The following ARNT variants were observed in gnomAD, a reference collection of about 807,000 sequenced individuals.
The protein encoded by ARNT is class E basic helix-loop-helix protein 2.
Under a neutral mutation model 105.0 loss-of-function variants are expected in ARNT, and 30 were observed. The ratio of observed to expected loss-of-function variants is 0.29; its 90% CI spans 0.21 to 0.39. The LOEUF (loss-of-function observed/expected upper bound fraction) is 0.39. Ranked by LOEUF, ARNT falls within the 10% of genes least tolerant of loss-of-function variation. The pLI is 1.00. For synonymous variants in ARNT, 304 were observed against 344.0 expected, an observed-to-expected ratio of 0.88 and a Z score of 1.29; for missense variants, 748 against 978.7, an observed-to-expected ratio of 0.76 and a Z score of 3.15.
At position 150,819,063 on chromosome 1, in the gene ARNT, C is replaced by A. The variant is rs189421154; in HGVS notation, c.1395-1033G>T. Among the ~76,000 whole-genome samples the A allele has an allele frequency of 1.6e-4, 25 of 152,100 alleles. 1 individual carries two copies. The highest frequency in any genetic ancestry group is 5.8e-4 in the African/African-American group (24 of 41,506). On this transcript the variant is annotated intron_variant, in intron 14 of 21. Transcript: ENST00000358595. ...AGCAAAGAATTAAACTTTACAAGTT[C>A]TAAAGACTGAATTGGACAAAACTTG... is the stretch of plus-strand genomic sequence containing the variant.
At chr1:150,850,576 A>C (rs1276117208) in intron 3 of ARNT, among the ~76,000 whole-genome samples, 1 of 152,048 alleles carries the variant, frequency 6.6e-6, no homozygotes, top group African/African-American at 2.4e-5. Context: ...AGTCTCGTTC[A>C]CTCAGTGCTC....
intron 2 of ARNT, among the ~76,000 whole-genome samples, chr1:150,858,113 T>C (rs1192695698): frequency 6.6e-6 from 1 of 152,192 alleles, no homozygotes; most frequent in African/African-American, 2.4e-5. Context: ...CAGTCCTTTA[T>C]CTTACGGAAA....
At chr1:150,860,005 TA>T (rs35772624) in intron 1 of ARNT, among the ~76,000 whole-genome samples, 479 of 133,594 alleles carry the variant, frequency 3.6e-3, no homozygotes, top group Admixed American at 4.2e-3. Flanking sequence ...AGATCCTGTC[TA>T]AAAAAAAAAA....
chr1:150,827,454 T>G (rs1020297811), intron 12 of ARNT, among the ~76,000 whole-genome samples: 13 of 152,220 alleles, frequency 8.5e-5, no homozygotes, highest in Non-Finnish European at 1.8e-4. Flanking sequence ...TCTGGCTTCT[T>G]TCATTGAGCA....
At chr1:150,817,899 G>T in intron 15 of ARNT, 21 bp downstream of exon 15, 1 of 1,576,762 alleles carries the variant, frequency 6.3e-7, no homozygotes. Flanking sequence ...CTCAACAGAT[G>T]ATTATTTCAC....
At chr1:150,823,486 T>A in intron 13 of ARNT, 141 bp from the exon 14 acceptor site, 1 of 729,488 alleles carries the variant, frequency 1.4e-6, no homozygotes, top group South Asian at 2.8e-5. Context: ...TAAAACAAAA[T>A]GAGAGTAAAA....
Position 150,814,124 on chromosome 1 carries a change from G to A in ARNT, c.2066C>T (p.Pro689Leu). 6.2e-7 allele frequency: 1 copy of A among 1,614,206 alleles called. No individual in the cohort carries two copies. The highest frequency in any genetic ancestry group is 8.5e-7 in the Non-Finnish European group (1 of 1,180,038). ...MSLPGAPTASPGAAAYPSLTN... is the reference protein window; with the variant it reads ...MSLPGAPTASLGAAAYPSLTN... ...GAGACTAGGGTAGGCAGCAGCACCAGGCGATGCAGTTGGGGCACCAGGGAG... is the reference window on the plus strand; with the variant it reads ...GAGACTAGGGTAGGCAGCAGCACCAAGCGATGCAGTTGGGGCACCAGGGAG... Residue 689 changes from proline (P) to leucine (L), a missense_variant, in exon 20 of 22, where the codon CCT (proline) becomes CTT (leucine). Coordinates refer to ENST00000358595, the MANE Select transcript of ARNT (RefSeq NM_001668.4).
At chr1:150,873,882 T>C (rs1667846687) in intron 1 of ARNT, among the ~76,000 whole-genome samples, 1 of 151,952 alleles carries the variant, frequency 6.6e-6, no homozygotes, top group Non-Finnish European at 1.5e-5. Context: ...ATTACACCAT[T>C]GCACTACAGT....
In ARNT at chr1:150,829,210, G is replaced by T. The variant is rs1406976962; in HGVS notation, c.1050C>A (p.Asn350Lys). Residue 350 changes from asparagine to lysine, a missense_variant, in exon 12 of 22, where the codon AAC becomes AAA. Asn to Lys is a moderately conservative substitution (Grantham distance 94, BLOSUM62 0). This residue lies in a region of ARNT where 291 missense variants were observed against 444.6 expected (regional missense o/e 0.65). Transcript: ENST00000358595. ...IGRLQVTSSP[N>K]CTDMSNVCQP... ...GACAAACATTACTCATGTCTGTACA[G>T]TTGGGAGAACTAGTTACCTGAGAGT... 6.2e-7 allele frequency: 1 copy of T among 1,613,704 alleles called. No homozygotes were observed. Among genetic ancestry groups the T allele is most frequent in the Non-Finnish European group, 8.5e-7 (1 of 1,179,766 alleles).
At position 150,817,343 on chromosome 1, in the gene ARNT, G is replaced by A. The variant is rs752373458; in HGVS notation, c.1578+18C>T. 1.2e-6 allele frequency: 2 copies of A among 1,613,740 alleles called. No individual in the cohort carries two copies. The highest frequency in any genetic ancestry group is 1.7e-5 in the Admixed American group (1 of 59,986). ...GTAAATACTCCCTACCCTCTTCAAC[G>A]AAGAGGACACAACTCACCTGGGAAT... On this transcript the variant is annotated intron_variant, in intron 16 of 21. Coordinates refer to ENST00000358595, the MANE Select transcript of ARNT (RefSeq NM_001668.4).
rs587676009 is a variant in ARNT, at chr1:150,832,385, G to T, written c.818C>A (p.Ser273Tyr). The stretch of plus-strand genomic sequence containing the variant: ...CCTATTCACAGAAACTGGGTCCACA[G>T]AGCTACTGCCACACCTGTTTCAAGG... Reference protein sequence around the residue: ...FICRMRCGSSSVDPVSVNRLS... With the variant: ...FICRMRCGSSYVDPVSVNRLS... The change falls in exon 9 of 22, where the codon TCT (serine) becomes TAT (tyrosine). Residue 273 changes from serine to tyrosine, a missense_variant. Physicochemically the swap from Ser to Tyr is moderately radical, Grantham distance 144 (BLOSUM62 -2). This residue lies in a region of ARNT where 291 missense variants were observed against 444.6 expected (regional missense o/e 0.65). Coordinates refer to ENST00000358595, the MANE Select transcript of ARNT (RefSeq NM_001668.4). 2.5e-6 allele frequency: 4 copies of T among 1,614,136 alleles called. No individual in the cohort carries two copies. The Admixed American group carries it at 6.7e-5, about 27-fold the overall frequency.
intron 13 of ARNT, among the ~76,000 whole-genome samples, chr1:150,825,963 G>C (rs1658153446): frequency 6.6e-6 from 1 of 151,228 alleles, no homozygotes; most frequent in Non-Finnish European, 1.5e-5. Context: ...ATCCAGGCTA[G>C]AGTACAGTGG....
chr1:150,813,414 A>T lies in ARNT; in HGVS notation c.2114-76T>A. On this transcript the variant is annotated intron_variant, in intron 20 of 21. Coordinates refer to ENST00000358595, the MANE Select transcript of ARNT (RefSeq NM_001668.4). ...TGTGTACTAATGCCACAAGTAAACAACTATAGGTAAGCCATTAATTTTACC... is the reference window on the plus strand; with the variant it reads ...TGTGTACTAATGCCACAAGTAAACATCTATAGGTAAGCCATTAATTTTACC... 3 of 1,425,146 alleles carry T rather than the reference A, an allele frequency of 2.1e-6. No individual in the cohort carries two copies. In the South Asian group the frequency reaches 4.7e-5, roughly 22 times the overall value. The allele number at this position is 1,425,146 out of a possible 1,614,324, so 88.3% of individuals were successfully genotyped here.
rs2101597051 is a variant in ARNT, at chr1:150,816,303, T to C, written c.1906A>G (p.Thr636Ala). Residue 636 changes from threonine to alanine, a missense_variant, in exon 19 of 22, where the codon ACC becomes GCC. By Grantham distance (58) the Thr-to-Ala change is moderately conservative (BLOSUM62 0). Coordinates refer to ENST00000358595, the MANE Select transcript of ARNT (RefSeq NM_001668.4). ...SRHSNPTQGA[T>A]PTWTPTTRSG... ...CGGGTAGTAGGGGTCCAAGTTGGGG[T>C]TGCTCCTTGGGTGGGGTTGGAGTGG... 1.2e-6 allele frequency: 2 copies of C among 1,606,738 alleles called. No individual in the cohort carries two copies. Among genetic ancestry groups the C allele is most frequent in the Non-Finnish European group, 1.7e-6 (2 of 1,177,886 alleles).
Position 150,817,094 on chromosome 1 carries a change from T to C in ARNT, c.1687A>G (p.Asn563Asp), listed in dbSNP as rs376009144. The change falls in exon 17 of 22, where the codon AAC (asparagine) becomes GAC (aspartate). Residue 563 changes from asparagine (N) to aspartate (D), a missense_variant. Physicochemically the swap from Asn to Asp is conservative, Grantham distance 23. Coordinates refer to ENST00000358595, the MANE Select transcript of ARNT (RefSeq NM_001668.4). ...GAAAGAAACATACCCGCATTGATGT[T>C]GTGATAGATTTCTGAAAATCTTGGA... ...RDPRFSEIYH[N>D]INADQSKGIS... 16 of 1,614,164 alleles carry C rather than the reference T, an allele frequency of 9.9e-6. No individual in the cohort carries two copies. The African/African-American group carries it at 1.6e-4, about 16-fold the overall frequency.
At chr1:150,852,548 A>C (rs1663822742) in intron 3 of ARNT, among the ~76,000 whole-genome samples, 1 of 152,130 alleles carries the variant, frequency 6.6e-6, no homozygotes, top group African/African-American at 2.4e-5. Context: ...ACTGATACAG[A>C]GGGTTTGTAA....
At chr1:150,814,381 C>A in intron 19 of ARNT, 142 bp from the exon 20 acceptor site, 1 of 813,138 alleles carries the variant, frequency 1.2e-6, no homozygotes, top group Non-Finnish European at 1.9e-6. Flanking sequence ...ATATTTCTTC[C>A]AATTAACTCT....
intron 14 of ARNT, among the ~76,000 whole-genome samples, chr1:150,822,499 G>A (rs1657308422): frequency 6.6e-6 from 1 of 152,228 alleles, no homozygotes; most frequent in Middle Eastern, 3.4e-3. Context: ...CAAAAGGACT[G>A]GGTTTGAGGA....
intron 11 of ARNT, among the ~76,000 whole-genome samples, 193 bp downstream of exon 11, chr1:150,829,711 C>T (rs960185987): frequency 7.2e-5 from 11 of 152,174 alleles, no homozygotes; most frequent in South Asian, 2.1e-4. Flanking sequence ...AGATCTCCCT[C>T]CTCTCATACT....
Sources: allele counts gnomAD v4.1 joint callset (sites outside exome capture counted in the v4.1 genomes callset), GRCh38; gene constraint gnomAD v4.1.1; regional missense constraint gnomAD v4.1.1; transcripts MANE v1.5; gene names NCBI Gene and HGNC (gene_info 2026-07-23, HGNC 2026-07-21).